The following PRORP variants were observed in gnomAD, a reference collection of about 807,000 sequenced individuals.
PRORP encodes the protein mitochondrial ribonuclease P catalytic subunit.
Under a neutral mutation model 59.4 loss-of-function variants are expected in PRORP, and 51 were observed. That is an observed-to-expected ratio of 0.86 (90% CI 0.69 to 1.08). The LOEUF (loss-of-function observed/expected upper bound fraction) is 1.08, where lower values mean the gene tolerates loss of function less well. Ranked by LOEUF, PRORP falls within the 50% of genes least tolerant of loss-of-function variation. PRORP has a pLI of 0.00. For synonymous variants in PRORP, 231 were observed against 245.6 expected, an observed-to-expected ratio of 0.94 and a Z score of 0.55; for missense variants, 646 against 690.3, an observed-to-expected ratio of 0.94 and a Z score of 0.72.
At chr14:35,189,979 C>T (rs540491006) in intron 5 of PRORP, among the ~76,000 whole-genome samples, 1 of 151,734 alleles carries the variant, frequency 6.6e-6, no homozygotes, top group Admixed American at 6.6e-5. Flanking sequence ...TGTGGTGGCA[C>T]TTTCCTGTAA....
intron 4 of PRORP, among the ~76,000 whole-genome samples, chr14:35,177,185 A>G (rs1313627118): frequency 8.8e-6 from 1 of 113,296 alleles, no homozygotes; most frequent in Non-Finnish European, 1.9e-5. Context: ...TTCATCTGGG[A>G]TATTGGTCTA....
chr14:35,241,377 CAAA>C (rs532766908), intron 5 of PRORP, among the ~76,000 whole-genome samples: 1 of 139,232 alleles, frequency 7.2e-6, no homozygotes, highest in African/African-American at 2.6e-5. Context: ...GACTCCGTCT[CAAA>C]AAAAAAAAAA....
At chr14:35,151,496 A>C (rs1032479195) in intron 4 of PRORP, among the ~76,000 whole-genome samples, 5 of 152,072 alleles carry the variant, frequency 3.3e-5, no homozygotes, top group African/African-American at 1.2e-4. Context: ...TTTTCCTTCT[A>C]GCTATTCAGG....
intron 5 of PRORP, among the ~76,000 whole-genome samples, chr14:35,232,648 T>C (rs1284098319): frequency 1.3e-5 from 2 of 152,080 alleles, no homozygotes; most frequent in Non-Finnish European, 2.9e-5. Flanking sequence ...TCTGGCAACG[T>C]CCCAAACTGT....
chr14:35,142,470 C>G (rs1476099736), intron 4 of PRORP, among the ~76,000 whole-genome samples: 1 of 141,902 alleles, frequency 7.0e-6, no homozygotes, highest in Non-Finnish European at 1.6e-5. Context: ...ACCTCAACTT[C>G]CCAAGTAGCT....
chr14:35,158,053 A>G (rs908149237), intron 4 of PRORP: 3 of 238,754 alleles, frequency 1.3e-5, no homozygotes, highest in Non-Finnish European at 2.6e-5. Context: ...TCATTTGCTC[A>G]TGGCACTGCC....
intron 5 of PRORP, chr14:35,262,380 AGCCC>A: frequency 3.3e-5 from 10 of 303,592 alleles, no homozygotes; most frequent in Admixed American, 9.0e-5. Context: ...TTTTATTACT[AGCCC>A]AACTTTTAAA....
In PRORP at chr14:35,202,127, G is replaced by A. The variant is rs547373862; in HGVS notation, c.1275+21350G>A. ...TGGGACTACAGGCGCCCGCCACCACGCCCGGCTAACTTTTTGTATTTTTAG... is the reference window on the plus strand; with the variant it reads ...TGGGACTACAGGCGCCCGCCACCACACCCGGCTAACTTTTTGTATTTTTAG... On this transcript the variant is annotated intron_variant, in intron 5 of 7. Transcript: ENST00000534898. Among the ~76,000 whole-genome samples, 8 of 151,330 alleles carry A rather than the reference G, an allele frequency of 5.3e-5. No individual in the cohort carries two copies. The South Asian group carries it at 1.0e-3, about 20-fold the overall frequency.
At chr14:35,244,415 T>C (rs1349296587) in intron 5 of PRORP, among the ~76,000 whole-genome samples, 1 of 152,018 alleles carries the variant, frequency 6.6e-6, no homozygotes, top group Non-Finnish European at 1.5e-5. Flanking sequence ...TCTTTTTTTC[T>C]CTTATGTTTA....
chr14:35,253,710 A>T (rs775809937), intron 5 of PRORP, among the ~76,000 whole-genome samples: 8 of 152,096 alleles, frequency 5.3e-5, no homozygotes, highest in Non-Finnish European at 1.0e-4. Flanking sequence ...CTTATCTGAC[A>T]TGGTGTCCCC....
chr14:35,186,059 G>A (rs1258916912), intron 5 of PRORP, among the ~76,000 whole-genome samples: 1 of 152,074 alleles, frequency 6.6e-6, no homozygotes, highest in African/African-American at 2.4e-5. Context: ...AGTGGAACTG[G>A]GGACTATAAA....
chr14:35,226,442 A>G (rs1416501298), intron 5 of PRORP, among the ~76,000 whole-genome samples: 1 of 152,228 alleles, frequency 6.6e-6, no homozygotes, highest in Non-Finnish European at 1.5e-5. Flanking sequence ...AATTATGTGG[A>G]AATTGGCATT....
intron 4 of PRORP, among the ~76,000 whole-genome samples, chr14:35,135,417 G>A (rs916915255): frequency 3.3e-5 from 5 of 152,150 alleles, no homozygotes; most frequent in Non-Finnish European, 7.4e-5. Flanking sequence ...GCAGAGTTGA[G>A]TAGATATAAA....
rs533194576 is a variant in PRORP, at chr14:35,138,417, T to C, written c.1167+10806T>C. On this transcript the variant is annotated intron_variant, in intron 4 of 7. Transcript: ENST00000534898. ...ATATTATATTCAGCATTTTAAATTA[T>C]TTTGTGTTAGGAACATTAGAAACAT... Among the ~76,000 whole-genome samples, 3 of 145,820 alleles carry C rather than the reference T, an allele frequency of 2.1e-5. 1 individual carries two copies. In the South Asian group the frequency reaches 6.7e-4, roughly 32 times the overall value.
chr14:35,235,027 T>G (rs1229040651), intron 5 of PRORP, among the ~76,000 whole-genome samples: 1 of 152,138 alleles, frequency 6.6e-6, no homozygotes, highest in Non-Finnish European at 1.5e-5. Context: ...ATCCTGCAAC[T>G]TAAGATACAT....
intron 5 of PRORP, among the ~76,000 whole-genome samples, chr14:35,209,105 C>T (rs2049370891): frequency 6.6e-6 from 1 of 151,848 alleles, no homozygotes; most frequent in Admixed American, 6.6e-5. Context: ...ACCCAGGAGG[C>T]AGAGGTTGCA....
chr14:35,192,965 C>T lies in PRORP; in HGVS notation c.1275+12188C>T, dbSNP rs988537533. Among the ~76,000 whole-genome samples the T allele has an allele frequency of 2.7e-5, 4 of 148,530 alleles. No homozygotes were observed. The East Asian group carries it at 8.0e-4, about 30-fold the overall frequency. On this transcript the variant is annotated intron_variant, in intron 5 of 7. Coordinates refer to ENST00000534898, the MANE Select transcript of PRORP (RefSeq NM_014672.4). ...CCTAGATTGTGCCACTACAGTCCAGCCTGGGTGACAGAGTAGAAAAAAAAA... is the reference window on the plus strand; with the variant it reads ...CCTAGATTGTGCCACTACAGTCCAGTCTGGGTGACAGAGTAGAAAAAAAAA...
At chr14:35,170,964 C>G (rs2048300793) in intron 4 of PRORP, among the ~76,000 whole-genome samples, 1 of 152,038 alleles carries the variant, frequency 6.6e-6, no homozygotes, top group Admixed American at 6.5e-5. Context: ...ATTCTTCTGC[C>G]TCAGACTCCC....
At chr14:35,263,389 A>C (rs2050955572) in intron 5 of PRORP, among the ~76,000 whole-genome samples, 1 of 152,188 alleles carries the variant, frequency 6.6e-6, no homozygotes, top group African/African-American at 2.4e-5. Context: ...TGATAGTTAC[A>C]TAAGAAAATA....
Sources: allele counts gnomAD v4.1 joint callset (sites outside exome capture counted in the v4.1 genomes callset), GRCh38; gene constraint gnomAD v4.1.1; transcripts MANE v1.5; gene names NCBI Gene and HGNC (gene_info 2026-07-23, HGNC 2026-07-21).